LRRC75A: variants seen among roughly 807,000 people sequenced by gnomAD.
LRRC75A encodes the protein leucine rich repeat containing 75A, also known as leucine-rich repeat-containing protein 75A.
LRRC75A carries 12 observed loss-of-function variants against 26.0 expected under a neutral mutation model. The ratio of observed to expected loss-of-function variants is 0.46; its 90% CI spans 0.30 to 0.75. The LOEUF is 0.75. Among genes scored for constraint, LRRC75A ranks in the 30% least tolerant of loss-of-function variants. The pLI is 0.08. For synonymous variants in LRRC75A, 223 were observed against 219.3 expected, an observed-to-expected ratio of 1.02 and a Z score of -0.15; for missense variants, 410 against 486.6, an observed-to-expected ratio of 0.84 and a Z score of 1.48.
At position 16,462,363 on chromosome 17, in the gene LRRC75A, C is replaced by T. The variant is rs748531978; in HGVS notation, c.270G>A (p.Ser90=). Residue 90 remains serine, a synonymous_variant, in exon 2 of 4, where the codon TCG becomes TCA. Transcript: ENST00000470794. The surrounding 1 kb of genome is among the most constrained non-coding windows in gnomAD (Gnocchi z 4.6). ...LRQDLGMEST[S]LDDVLYRYAS... is the part of the protein sequence containing the mutation. ...CGTAGCGATACAGAACGTCGTCTAG[C>T]GAGGTCGACTCCATGCCCAGGTCCT... 2.2e-5 allele frequency: 35 copies of T among 1,613,972 alleles called. No homozygotes were observed. Among genetic ancestry groups the T allele is most frequent in the South Asian group, 1.2e-4 (11 of 91,082 alleles).
At chr17:16,466,986 C>T (rs754910828) in intron 1 of LRRC75A, among the ~76,000 whole-genome samples, 44 of 151,824 alleles carry the variant, frequency 2.9e-4, no homozygotes, top group Non-Finnish European at 5.6e-4. Context: ...ATTAAAACAA[C>T]CTGTCGCAAG....
At chr17:16,453,108 G>A (rs947800504) in intron 2 of LRRC75A, among the ~76,000 whole-genome samples, 5 of 152,032 alleles carry the variant, frequency 3.3e-5, no homozygotes, top group African/African-American at 1.2e-4. Flanking sequence ...GTCCAATATG[G>A]TGAAACCCCA....
intron 1 of LRRC75A, among the ~76,000 whole-genome samples, chr17:16,483,686 G>A (rs1359486228): frequency 6.6e-6 from 1 of 152,212 alleles, no homozygotes; most frequent in Non-Finnish European, 1.5e-5. Context: ...GCAAGTTAGG[G>A]TTTCCACTGG....
At position 16,443,890 on chromosome 17, in the gene LRRC75A, C is replaced by T. The variant is rs1363862707; in HGVS notation, c.733G>A (p.Ala245Thr). ...LALNGNRLTR[A>T]VLRDLTDILK... ...ATGTCAGTGAGGTCGCGCAGCACGG[C>T]CCGGGTCAACCGGTTGCCATTGAGT... is the stretch of plus-strand genomic sequence containing the variant. Residue 245 changes from alanine to threonine, a missense_variant, in exon 4 of 4, where the codon GCC (alanine) becomes ACC (threonine). Ala to Thr is a moderately conservative substitution (Grantham distance 58). Transcript: ENST00000470794. 2 of 1,613,276 alleles carry T rather than the reference C, an allele frequency of 1.2e-6. No individual in the cohort carries two copies. Among genetic ancestry groups the T allele is most frequent in the Non-Finnish European group, 1.7e-6 (2 of 1,179,464 alleles).
At chr17:16,455,387 A>AT (rs34831794) in intron 2 of LRRC75A, among the ~76,000 whole-genome samples, 58,048 of 146,500 alleles carry the variant, frequency 0.4, 11,467 homozygotes, top group African/African-American at 0.44. Flanking sequence ...CTGCCCTACA[A>AT]TTTTTTTTTT....
chr17:16,478,962 C>T (rs973437500), intron 1 of LRRC75A, among the ~76,000 whole-genome samples: 1 of 152,194 alleles, frequency 6.6e-6, no homozygotes, highest in African/African-American at 2.4e-5. Context: ...GGTGGGAGCA[C>T]TCAGACCTCA....
intron 2 of LRRC75A, among the ~76,000 whole-genome samples, chr17:16,456,256 G>C (rs2093680518): frequency 7.3e-6 from 1 of 137,718 alleles, no homozygotes; most frequent in South Asian, 2.5e-4. Flanking sequence ...GAAGGAAGAG[G>C]ATCAGGAAGA....
In LRRC75A at chr17:16,491,864, G is replaced by C. The variant is rs749456380; in HGVS notation, c.127C>G (p.Arg43Gly). Residue 43 changes from arginine (R) to glycine (G), a missense_variant, in exon 1 of 4, where the codon CGC becomes GGC. Coordinates refer to ENST00000470794, the MANE Select transcript of LRRC75A (RefSeq NM_001113567.3). The surrounding 1 kb of genome is among the most constrained non-coding windows in gnomAD (Gnocchi z 5.9). ...TAGGGGGGCATCCCCGCGCCCGCGC[G>C]CCCCGCCTTGTCCCCGGCGCGCAGC... ...LLLRAGDKAG[R>G]AGAGMPPYHR... 17 of 1,387,338 alleles carry C rather than the reference G, an allele frequency of 1.2e-5. No homozygotes were observed. The highest frequency in any genetic ancestry group is 1.6e-5 in the Non-Finnish European group (17 of 1,066,392). The allele number at this position is 1,387,338 out of a possible 1,614,324, so 85.9% of individuals were successfully genotyped here. A position where few individuals can be genotyped will look rare whatever the true frequency, so the allele number is the denominator to read the frequency against.
rs754438914 is a variant in LRRC75A, at chr17:16,443,807, C to T, written c.816G>A (p.Val272=). ...AGGGCTGGGGCAAGGAGAAGATGTC[C>T]ACGTTGTTGCCCAGGTCAATCCACG... ...NVTWIDLGNN[V]DIFSLPQPFL... The change falls in exon 4 of 4, where the codon GTG becomes GTA. Residue 272 remains valine (V), a synonymous_variant. Transcript: ENST00000470794. 5.6e-6 allele frequency: 9 copies of T among 1,613,936 alleles called. No homozygotes were observed. In the South Asian group the frequency reaches 6.6e-5, roughly 12 times the overall value.
At chr17:16,472,502 T>C (rs2093809794) in intron 1 of LRRC75A, among the ~76,000 whole-genome samples, 1 of 152,080 alleles carries the variant, frequency 6.6e-6, no homozygotes, top group African/African-American at 2.4e-5. Flanking sequence ...GAGAGGGGCA[T>C]TGCTCCTCAG....
At chr17:16,482,505 G>A (rs933984248) in intron 1 of LRRC75A, among the ~76,000 whole-genome samples, 1 of 152,160 alleles carries the variant, frequency 6.6e-6, no homozygotes, top group South Asian at 2.1e-4. Context: ...CAGGGCCGCT[G>A]GGAGGCACCA....
At chr17:16,467,681 A>T (rs1419697205) in intron 1 of LRRC75A, among the ~76,000 whole-genome samples, 2 of 152,204 alleles carry the variant, frequency 1.3e-5, no homozygotes, top group Non-Finnish European at 2.9e-5. Flanking sequence ...GAATGAGGCT[A>T]TCTGATTTTT....
chr17:16,484,088 A>G (rs562369849), intron 1 of LRRC75A, among the ~76,000 whole-genome samples: 2 of 152,306 alleles, frequency 1.3e-5, no homozygotes, highest in South Asian at 4.1e-4. Context: ...TTGTAATCCC[A>G]GCACTTTGGG....
rs116749539 is a variant in LRRC75A at position 16,446,566 on chromosome 17, G to A, written c.491+1279C>T. Reference sequence around the variant, plus strand: ...GGCGGGAGAGCAGGAGAGGTGAGACGAGGGGGCGAGGAGAGCAAATCAGAG... The same window carrying A: ...GGCGGGAGAGCAGGAGAGGTGAGACAAGGGGGCGAGGAGAGCAAATCAGAG... On this transcript the variant is annotated intron_variant, in intron 3 of 3. Transcript: ENST00000470794. Among the ~76,000 whole-genome samples, 591 of 152,236 alleles carry A rather than the reference G, an allele frequency of 3.9e-3. 5 individuals carry two copies. The highest frequency in any genetic ancestry group is 0.013 in the African/African-American group (538 of 41,516).
chr17:16,464,942 G>C (rs2093756705), intron 1 of LRRC75A, among the ~76,000 whole-genome samples: 1 of 152,242 alleles, frequency 6.6e-6, no homozygotes, highest in African/African-American at 2.4e-5. Flanking sequence ...CCAGTGCCTG[G>C]TTTGCCAGCC....
intron 1 of LRRC75A, among the ~76,000 whole-genome samples, chr17:16,486,425 C>T (rs1270073560): frequency 6.6e-6 from 1 of 152,202 alleles, no homozygotes; most frequent in Non-Finnish European, 1.5e-5. Context: ...AGCCAGTGTC[C>T]CTGGCAGCCT....
intron 2 of LRRC75A, among the ~76,000 whole-genome samples, chr17:16,450,494 A>C (rs1401060005): frequency 2.0e-5 from 3 of 150,352 alleles, no homozygotes; most frequent in South Asian, 2.1e-4. Context: ...ATCACCTGCC[A>C]CTTGCACCTG....
chr17:16,444,317 C>CT (rs1442564397), intron 3 of LRRC75A, among the ~76,000 whole-genome samples, 186 bp from the exon 4 acceptor site: 2 of 152,222 alleles, frequency 1.3e-5, no homozygotes, highest in Non-Finnish European at 2.9e-5. Flanking sequence ...CACTGCCGCA[C>CT]GTCTCAGCTG....
Position 16,491,777 on chromosome 17 carries a change from C to T in LRRC75A, c.214G>A (p.Glu72Lys), listed in dbSNP as rs1306646655. Residue 72 changes from glutamate (E) to lysine (K), a missense_variant, in exon 1 of 4, where the codon GAG becomes AAG. By Grantham distance (56) the Glu-to-Lys change is moderately conservative. Transcript: ENST00000470794. This position sits in a 1 kb window ranked among gnomAD's most constrained non-coding sequence, Gnocchi z 5.9. ...LRMVRQGRRE[E>K]AGTLLQHLRQ... Reference sequence around the variant, plus strand: ...AGGTGCTGCAGCAGCGTCCCCGCCTCCTCCCGCCGGCCCTGGCGCACCATC... The same window carrying T: ...AGGTGCTGCAGCAGCGTCCCCGCCTTCTCCCGCCGGCCCTGGCGCACCATC... 2 of 1,430,900 alleles carry T rather than the reference C, an allele frequency of 1.4e-6. No individual in the cohort carries two copies. Among genetic ancestry groups the T allele is most frequent in the Non-Finnish European group, 1.8e-6 (2 of 1,092,964 alleles). The allele number at this position is 1,430,900 out of a possible 1,614,324, so 88.6% of individuals were successfully genotyped here.
Sources: gnomAD v4.1 joint callset for allele counts (sites outside exome capture counted in the v4.1 genomes callset) on GRCh38, gnomAD v4.1.1 for gene constraint, Gnocchi (gnomAD v3.1) non-coding constraint, MANE v1.5 for transcripts, NCBI Gene and HGNC (gene_info 2026-07-23, HGNC 2026-07-21) for gene names.